SLTM: variants seen among roughly 807,000 people sequenced by gnomAD.
SLTM encodes the protein SAFB-like transcription modulator.
SLTM carries 43 observed loss-of-function variants against 134.6 expected under a neutral mutation model. The observed-to-expected ratio is 0.32, with a 90% CI of 0.25 to 0.41. The LOEUF (loss-of-function observed/expected upper bound fraction) is 0.41, where lower values mean the gene tolerates loss of function less well. Among genes scored for constraint, SLTM ranks in the 10% least tolerant of loss-of-function variants. SLTM has a pLI of 1.00. For missense variants in SLTM, 1,055 were observed against 1,288.8 expected, an observed-to-expected ratio of 0.82 and a Z score of 2.78; for synonymous variants, 424 against 432.3, an observed-to-expected ratio of 0.98 and a Z score of 0.24.
In SLTM at chr15:58,887,149, A is replaced by T. The variant is rs774342059; in HGVS notation, c.2691-30T>A. The T allele has an allele frequency of 2.5e-6, 4 of 1,613,514 alleles. No individual in the cohort carries two copies. The Admixed American group carries it at 6.7e-5, about 27-fold the overall frequency. ...TAAACAAAACATAAAAACATACATG[A>T]TCAAAACTGTAATCTTAACTTTTTT... On this transcript the variant is annotated intron_variant, in intron 18 of 20. Transcript: ENST00000380516.
chr15:58,894,620 G>A (rs372327748), intron 9 of SLTM, 38 bp from the exon 10 acceptor site: 32 of 1,598,680 alleles, frequency 2.0e-5, no homozygotes, highest in African/African-American at 8.1e-5. Flanking sequence ...GTTTTACAAC[G>A]TTCCAAGTAC....
chr15:58,925,676 ACATT>A (rs2037404945), intron 2 of SLTM, among the ~76,000 whole-genome samples: 1 of 152,186 alleles, frequency 6.6e-6, no homozygotes, highest in Non-Finnish European at 1.5e-5. Context: ...AAGATAATTC[ACATT>A]CATTATAATA....
At chr15:58,902,192 G>C (rs747056174) in intron 5 of SLTM, among the ~76,000 whole-genome samples, 5 of 151,942 alleles carry the variant, frequency 3.3e-5, no homozygotes, top group Admixed American at 6.6e-5. Flanking sequence ...AGACTATAAA[G>C]AATAAAGTAA....
At chr15:58,923,515 G>C (rs1381003991) in intron 2 of SLTM, among the ~76,000 whole-genome samples, 1 of 152,108 alleles carries the variant, frequency 6.6e-6, no homozygotes, top group African/African-American at 2.4e-5. Context: ...TACCTCTGCA[G>C]GTCCCTAACT....
At position 58,893,871 on chromosome 15, in the gene SLTM, C is replaced by G. The variant is rs1447130656; in HGVS notation, c.1598G>C (p.Ser533Thr). 6.2e-7 allele frequency: 1 copy of G among 1,613,094 alleles called. No homozygotes were observed. The highest frequency in any genetic ancestry group is 8.5e-7 in the Non-Finnish European group (1 of 1,179,820). The change falls in exon 12 of 21, where the codon AGT becomes ACT. Residue 533 changes from serine (S) to threonine (T), a missense_variant. Coordinates refer to ENST00000380516, the MANE Select transcript of SLTM (RefSeq NM_024755.4). ...TTTAATCGATTCTGATGTTTGGCCA[C>G]TTGCTCCATTATCATTCTTCTCATC... is the stretch of plus-strand genomic sequence containing the variant. The part of the protein sequence containing the change: ...GKDEKNDNGA[S>T]GQTSESIKKS...
intron 1 of SLTM, 136 bp downstream of exon 1, chr15:58,933,268 C>T: frequency 3.3e-6 from 3 of 898,848 alleles, no homozygotes; most frequent in East Asian, 3.5e-5. Flanking sequence ...TCGCGGGAGC[C>T]GCCCCTGGCC....
intron 9 of SLTM, 71 bp downstream of exon 9, chr15:58,897,044 C>G (rs1471791920): frequency 2.5e-5 from 22 of 864,906 alleles, no homozygotes; most frequent in Non-Finnish European, 4.3e-5. Flanking sequence ...TCATGTAATA[C>G]TATTTAGAAT....
At chr15:58,933,287 A>C in intron 1 of SLTM, 117 bp downstream of exon 1, 1 of 1,187,072 alleles carries the variant, frequency 8.4e-7, no homozygotes, top group Non-Finnish European at 1.1e-6. Flanking sequence ...CCTCCCTACC[A>C]TGCCGTTCCG....
intron 2 of SLTM, among the ~76,000 whole-genome samples, chr15:58,920,311 ACT>A (rs1871150823): frequency 6.6e-6 from 1 of 150,574 alleles, no homozygotes; most frequent in Non-Finnish European, 1.5e-5. Context: ...ACAGAGCGAC[ACT>A]CTGTCTTGAA....
At chr15:58,925,772 C>T (rs755009441) in intron 2 of SLTM, among the ~76,000 whole-genome samples, 34 of 152,146 alleles carry the variant, frequency 2.2e-4, no homozygotes, top group Non-Finnish European at 4.6e-4. Flanking sequence ...AATTCCGGCA[C>T]ACTCCTTCAG....
Position 58,928,410 on chromosome 15 carries a change from AAG to A in SLTM, c.250+3944_250+3945del, listed in dbSNP as rs1391695413. The stretch of plus-strand genomic sequence containing the variant: ...GTTACTTATTTAAAAGTTCATAACA[AAG>A]AGAGTGTGAAGACTCAGGAAAGCCA... On this transcript the variant is annotated intron_variant, in intron 2 of 20. Coordinates refer to ENST00000380516, the MANE Select transcript of SLTM (RefSeq NM_024755.4). Among the ~76,000 whole-genome samples, 5 of 152,302 alleles carry A rather than the reference AAG, an allele frequency of 3.3e-5. No individual in the cohort carries two copies. The East Asian group carries it at 9.6e-4, about 29-fold the overall frequency.
rs1029556749 is a variant in SLTM, at chr15:58,883,700, T to C, written c.2922A>G (p.Gln974=). 1.2e-6 allele frequency: 2 copies of C among 1,614,034 alleles called. No individual in the cohort carries two copies. Among genetic ancestry groups the C allele is most frequent in the Admixed American group, 3.3e-5 (2 of 60,012 alleles). The change falls in exon 20 of 21, where the codon CAA becomes CAG. Residue 974 remains glutamine (Q), a synonymous_variant. Coordinates refer to ENST00000380516, the MANE Select transcript of SLTM (RefSeq NM_024755.4). ...PRKEWHGPPS[Q]GPSYHDTRRM... ...GCCTCGTATCATGATAGCTAGGCCC[T>C]TGAGAGGGTGGACCATGCCACTCTT...
chr15:58,903,544 C>T (rs12914723), intron 5 of SLTM, among the ~76,000 whole-genome samples: 3 of 102,790 alleles, frequency 2.9e-5, no homozygotes, highest in African/African-American at 4.0e-5. Context: ...GTGCATCTGA[C>T]GGGGAGGGGG....
chr15:58,921,314 C>T (rs2037027291), intron 2 of SLTM: 1 of 154,084 alleles, frequency 6.5e-6, no homozygotes, highest in Non-Finnish European at 1.5e-5. Flanking sequence ...AAATGCAGCC[C>T]AATTTCCATT....
intron 20 of SLTM, among the ~76,000 whole-genome samples, chr15:58,882,237 A>G (rs1457450967): frequency 2.7e-5 from 4 of 150,818 alleles, no homozygotes; most frequent in African/African-American, 9.7e-5. Flanking sequence ...AGGTAAGGAC[A>G]AGCCCCGTAT....
chr15:58,892,318 G>A (rs993043868), intron 14 of SLTM, among the ~76,000 whole-genome samples: 2 of 152,154 alleles, frequency 1.3e-5, no homozygotes, highest in African/African-American at 4.8e-5. Flanking sequence ...TATATTTTCC[G>A]TTTGTTTTAA....
At chr15:58,886,687 G>A (rs1335152894) in intron 19 of SLTM, among the ~76,000 whole-genome samples, 2 of 152,152 alleles carry the variant, frequency 1.3e-5, no homozygotes, top group African/African-American at 4.8e-5. Context: ...TCATTAGATA[G>A]GCTCACTTAC....
rs200359249 is a variant in SLTM, at chr15:58,933,525, G to C, written c.41C>G (p.Ser14Trp). Residue 14 changes from serine (S) to tryptophan (W), a missense_variant, in exon 1 of 21, where the codon TCG becomes TGG. Transcript: ENST00000380516. ...ATGAVAASAASGQAEGKKITD... is the reference protein window; with the variant it reads ...ATGAVAASAAWGQAEGKKITD... ...GATCTTTTTACCTTCCGCCTGACCC[G>C]AGGCGGCCGAGGCTGCCACCGCACC... 1 of 1,595,516 alleles carries C rather than the reference G, an allele frequency of 6.3e-7. No homozygotes were observed. The highest frequency in any genetic ancestry group is 8.5e-7 in the Non-Finnish European group (1 of 1,172,276).
intron 2 of SLTM, among the ~76,000 whole-genome samples, chr15:58,928,320 CT>C (rs1365189156): frequency 2.0e-5 from 3 of 152,168 alleles, no homozygotes; most frequent in Non-Finnish European, 2.9e-5. Flanking sequence ...ACCTGTTTAA[CT>C]ACTTTTTAAA....
Sources: allele counts gnomAD v4.1 joint callset (sites outside exome capture counted in the v4.1 genomes callset), GRCh38; gene constraint gnomAD v4.1.1; transcripts MANE v1.5; gene names NCBI Gene and HGNC (gene_info 2026-07-23, HGNC 2026-07-21).